Variants in ITPR2 observed in about 807,000 individuals in gnomAD.
ITPR2 encodes the protein inositol 1,4,5-trisphosphate receptor type 2.
In ITPR2, 207 loss-of-function variants were observed where a neutral mutation model predicts 317.1. That is an observed-to-expected ratio of 0.65 (90% CI 0.58 to 0.73). The LOEUF is 0.73. ITPR2 is among the 30% of genes least tolerant of loss of function. The probability of loss-of-function intolerance (pLI) is 0.00; values close to 1 mark genes in which losing one functional copy is unlikely to be tolerated. For synonymous variants in ITPR2, 1,156 were observed against 1,149.1 expected, an observed-to-expected ratio of 1.01 and a Z score of -0.12; for missense variants, 2,613 against 3,284.0, an observed-to-expected ratio of 0.80 and a Z score of 4.99.
At chr12:26,612,001 A>G (rs972481360) in intron 26 of ITPR2, among the ~76,000 whole-genome samples, 1 of 152,212 alleles carries the variant, frequency 6.6e-6, no homozygotes, top group African/African-American at 2.4e-5. Flanking sequence ...ATAATATACA[A>G]TAGATAATAA....
chr12:26,567,974 T>TA (rs1336776003), intron 34 of ITPR2, among the ~76,000 whole-genome samples: 27 of 8,950 alleles, frequency 3.0e-3, no homozygotes, highest in African/African-American at 7.3e-3. Flanking sequence ...ATATATTATA[T>TA]ATATTATATA....
At chr12:26,376,545 AT>A (rs1011883107) in intron 55 of ITPR2, among the ~76,000 whole-genome samples, 14 of 150,648 alleles carry the variant, frequency 9.3e-5, no homozygotes, top group Admixed American at 2.0e-4. Context: ...CTGCCTGTTT[AT>A]TTTTTTTTCT....
chr12:26,355,140 A>G (rs1030580064), intron 55 of ITPR2, among the ~76,000 whole-genome samples: 1 of 152,250 alleles, frequency 6.6e-6, no homozygotes, highest in Admixed American at 6.5e-5. Flanking sequence ...TTTGAGAATG[A>G]CCACTGTAGA....
Position 26,336,153 on chromosome 12 carries a change from T to C in ITPR2, c.*3244A>G, listed in dbSNP as rs1218836071. Among the ~76,000 whole-genome samples, 1 of 152,182 alleles carries C rather than the reference T, an allele frequency of 6.6e-6. No individual in the cohort carries two copies. The highest frequency in any genetic ancestry group is 1.5e-5 in the Non-Finnish European group (1 of 68,026). ...TTCTTAGCTAATATTTACCCCTCCTTTTCTCTAATGATAGAGTACTGGGAA... is the reference window on the plus strand; with the variant it reads ...TTCTTAGCTAATATTTACCCCTCCTCTTCTCTAATGATAGAGTACTGGGAA... On this transcript the variant is annotated 3_prime_UTR_variant, in exon 57 of 57. Coordinates refer to ENST00000381340, the MANE Select transcript of ITPR2 (RefSeq NM_002223.4).
chr12:26,524,847 T>C (rs1943768188), intron 37 of ITPR2, among the ~76,000 whole-genome samples: 1 of 152,172 alleles, frequency 6.6e-6, no homozygotes, highest in Admixed American at 6.5e-5. Flanking sequence ...AAAATATCAC[T>C]AAAAGAGTAT....
At chr12:26,451,768 A>G (rs955850563) in intron 45 of ITPR2, among the ~76,000 whole-genome samples, 1 of 152,200 alleles carries the variant, frequency 6.6e-6, no homozygotes, top group African/African-American at 2.4e-5. Flanking sequence ...TAATAAACAA[A>G]TGATTCATGA....
intron 45 of ITPR2, among the ~76,000 whole-genome samples, chr12:26,471,644 TA>T (rs1235098064): frequency 1.1e-4 from 16 of 152,152 alleles, no homozygotes; most frequent in Admixed American, 1.0e-3. Context: ...AGAACTACCT[TA>T]CTACCATGAA....
At chr12:26,674,309 T>C (rs1434081814) in intron 13 of ITPR2, among the ~76,000 whole-genome samples, 2 of 152,022 alleles carry the variant, frequency 1.3e-5, no homozygotes, top group South Asian at 2.1e-4. Context: ...TACAAGGCTA[T>C]AGTAACCAAA....
chr12:26,638,375 A>G (rs1946908486), intron 21 of ITPR2, among the ~76,000 whole-genome samples: 1 of 152,346 alleles, frequency 6.6e-6, no homozygotes, highest in South Asian at 2.1e-4. Context: ...CAGTTCTCAT[A>G]AAGGCATATA....
intron 2 of ITPR2, among the ~76,000 whole-genome samples, chr12:26,758,926 C>A (rs1342787669): frequency 6.6e-6 from 1 of 152,166 alleles, no homozygotes; most frequent in East Asian, 1.9e-4. Flanking sequence ...CTCTATGGAT[C>A]ACATCCTCCT....
chr12:26,479,479 T>C (rs376128926), intron 43 of ITPR2, among the ~76,000 whole-genome samples: 10 of 152,260 alleles, frequency 6.6e-5, no homozygotes, highest in East Asian at 1.9e-4. Context: ...GTATAGTCTT[T>C]AGACTAATGA....
intron 2 of ITPR2, among the ~76,000 whole-genome samples, chr12:26,758,943 A>G (rs1239660786): frequency 6.6e-6 from 1 of 152,224 alleles, no homozygotes; most frequent in Admixed American, 6.5e-5. Context: ...TCCTGCATAC[A>G]GTCTCTTCCA....
chr12:26,395,176 C>T (rs773727690), intron 54 of ITPR2, among the ~76,000 whole-genome samples: 2 of 151,956 alleles, frequency 1.3e-5, no homozygotes, highest in African/African-American at 2.4e-5. Flanking sequence ...AGAGAGGAGA[C>T]AAGGAGTCAA....
chr12:26,733,301 A>G lies in ITPR2; in HGVS notation c.164-7536T>C, dbSNP rs917220001. On this transcript the variant is annotated intron_variant, in intron 2 of 56. Coordinates refer to ENST00000381340, the MANE Select transcript of ITPR2 (RefSeq NM_002223.4). ...TGCACTCCAGCCTAGGTGACAGAGC[A>G]AGACTCCATCTCAAAAAAAAAAAAA... Among the ~76,000 whole-genome samples, 13 of 148,946 alleles carry G rather than the reference A, an allele frequency of 8.7e-5. No individual in the cohort carries two copies. In the East Asian group the frequency reaches 9.8e-4, roughly 11 times the overall value.
chr12:26,439,311 C>A lies in ITPR2; in HGVS notation c.6459G>T (p.Arg2153=). The part of the protein sequence containing the change: ...ANHTAQIEIV[R]HDRTMEQIVF... ...CTATTTGTTCCATGGTCCTATCATG[C>A]CGGACAATCTGAAAACATTAATTTG... The change falls in exon 47 of 57, where the codon CGG becomes CGT. Residue 2153 remains arginine, a synonymous_variant. Coordinates refer to ENST00000381340, the MANE Select transcript of ITPR2 (RefSeq NM_002223.4). 1 of 1,593,518 alleles carries A rather than the reference C, an allele frequency of 6.3e-7. No homozygotes were observed. Among genetic ancestry groups the A allele is most frequent in the Non-Finnish European group, 8.5e-7 (1 of 1,171,040 alleles).
At chr12:26,710,623 T>C (rs1211598526) in intron 9 of ITPR2, among the ~76,000 whole-genome samples, 3 of 152,248 alleles carry the variant, frequency 2.0e-5, no homozygotes, top group Admixed American at 2.0e-4. Context: ...CTATCCTTCA[T>C]ATCTTCTGAC....
intron 2 of ITPR2, among the ~76,000 whole-genome samples, chr12:26,740,503 C>T (rs556478134): frequency 1.3e-5 from 2 of 152,268 alleles, no homozygotes; most frequent in South Asian, 4.1e-4. Context: ...ATCTGCGATA[C>T]GTCACACAGT....
intron 1 of ITPR2, among the ~76,000 whole-genome samples, chr12:26,794,675 TA>T (rs1298278742): frequency 6.6e-6 from 1 of 152,258 alleles, no homozygotes; most frequent in Non-Finnish European, 1.5e-5. Flanking sequence ...ATGACAACTA[TA>T]ATCTATCAAT....
intron 55 of ITPR2, among the ~76,000 whole-genome samples, chr12:26,358,909 G>A (rs1938730886): frequency 6.6e-6 from 1 of 152,136 alleles, no homozygotes; most frequent in African/African-American, 2.4e-5. Context: ...CCTCTCCATG[G>A]TTCACTCACT....
Sources: gnomAD v4.1 joint callset for allele counts (sites outside exome capture counted in the v4.1 genomes callset) on GRCh38, gnomAD v4.1.1 for gene constraint, MANE v1.5 for transcripts, NCBI Gene and HGNC (gene_info 2026-07-23, HGNC 2026-07-21) for gene names.